Variants in DCAF12 observed in about 807,000 individuals in gnomAD.
DCAF12 encodes DDB1- and CUL4-associated factor 12.
In DCAF12, 28 loss-of-function variants were observed where a neutral mutation model predicts 52.8. The observed-to-expected ratio is 0.53, with a 90% CI of 0.39 to 0.73. DCAF12 has a LOEUF of 0.73. DCAF12 is among the 30% of genes least tolerant of loss of function. The pLI, the probability that DCAF12 is intolerant of heterozygous loss-of-function variation, is 0.00. For missense variants in DCAF12, 425 were observed against 552.2 expected (o/e 0.77, Z 2.31); for synonymous variants, 196 against 215.5 (o/e 0.91, Z 0.79).
At chr9:34,120,439 G>A (rs968082081) in intron 2 of DCAF12, among the ~76,000 whole-genome samples, 1 of 151,792 alleles carries the variant, frequency 6.6e-6, no homozygotes, top group Non-Finnish European at 1.5e-5. Context: ...GGGAGGCTGA[G>A]GCGGGCAGAT....
intron 4 of DCAF12, among the ~76,000 whole-genome samples, chr9:34,103,855 TAAC>T (rs1363607754): frequency 1.3e-5 from 2 of 151,860 alleles, no homozygotes; most frequent in African/African-American, 4.8e-5. Flanking sequence ...ACAACAACAG[TAAC>T]AACAACAACG....
At chr9:34,126,009 G>C (rs531256739) in intron 1 of DCAF12, among the ~76,000 whole-genome samples, 2 of 152,264 alleles carry the variant, frequency 1.3e-5, no homozygotes, top group African/African-American at 4.8e-5. Context: ...AGGGCCCATG[G>C]AAGGTAGAGT....
intron 6 of DCAF12, chr9:34,093,731 G>C: frequency 3.0e-6 from 1 of 328,856 alleles, no homozygotes; most frequent in Non-Finnish European, 5.8e-6. Context: ...GCCTTTCTTG[G>C]TAGGCTGTTT....
intron 2 of DCAF12, among the ~76,000 whole-genome samples, chr9:34,111,493 C>G (rs917961792): frequency 2.0e-5 from 3 of 152,202 alleles, no homozygotes; most frequent in African/African-American, 4.8e-5. Flanking sequence ...TTAACTCTCT[C>G]CCAATTCTAA....
chr9:34,126,031 G>C (rs1411863894), intron 1 of DCAF12, among the ~76,000 whole-genome samples: 1 of 152,158 alleles, frequency 6.6e-6, no homozygotes, highest in African/African-American at 2.4e-5. Context: ...CACTCTACCA[G>C]AGTTTGTTTC....
chr9:34,098,625 A>G (rs1353414190), intron 4 of DCAF12, 108 bp from the exon 5 acceptor site: 2 of 1,218,920 alleles, frequency 1.6e-6, no homozygotes, highest in South Asian at 1.6e-5. Flanking sequence ...CATCATCCTC[A>G]TATGTGCTGA....
chr9:34,117,050 A>G (rs565571422), intron 2 of DCAF12, among the ~76,000 whole-genome samples: 2 of 152,220 alleles, frequency 1.3e-5, no homozygotes, highest in African/African-American at 4.8e-5. Context: ...CTGTGAATCT[A>G]AACTGTTCCT....
At chr9:34,104,114 C>T (rs752109438) in intron 4 of DCAF12, among the ~76,000 whole-genome samples, 6 of 151,714 alleles carry the variant, frequency 4.0e-5, no homozygotes, top group Non-Finnish European at 1.5e-5. Context: ...ACCAAAAATA[C>T]AAAAATTAGG....
intron 2 of DCAF12, among the ~76,000 whole-genome samples, chr9:34,108,014 T>A (rs1227031177): frequency 2.0e-5 from 3 of 152,186 alleles, no homozygotes; most frequent in African/African-American, 7.2e-5. Flanking sequence ...TATTACTAAG[T>A]TTTCTGGAAT....
intron 4 of DCAF12, among the ~76,000 whole-genome samples, chr9:34,103,244 AC>A (rs964059160): frequency 1.3e-4 from 20 of 151,608 alleles, no homozygotes; most frequent in African/African-American, 4.6e-4. Flanking sequence ...AGCCATCTCT[AC>A]TAAAAAGACA....
chr9:34,096,624 A>C (rs1828739386), intron 6 of DCAF12, 92 bp downstream of exon 6: 2 of 1,195,786 alleles, frequency 1.7e-6, no homozygotes, highest in Admixed American at 4.3e-5. Context: ...GAATAGATAA[A>C]ATAAACATGA....
Position 34,089,579 on chromosome 9 carries a change from C to T in DCAF12, c.1036G>A (p.Val346Met). 1 of 1,604,706 alleles carries T rather than the reference C, an allele frequency of 6.2e-7. No individual in the cohort carries two copies. The highest frequency in any genetic ancestry group is 8.5e-7 in the Non-Finnish European group (1 of 1,174,480). ...SRERGSGIRSVSFYEHIITVG... is the reference protein window; with the variant it reads ...SRERGSGIRSMSFYEHIITVG... ...GTGATGATGTGCTCGTAGAAACTCA[C>T]TGACCGGATTCCTGAAAGACAGAAA... is the stretch of plus-strand genomic sequence containing the variant. The change falls in exon 8 of 9, where the codon GTG (valine) becomes ATG (methionine). Residue 346 changes from valine to methionine, a missense_variant. Physicochemically the swap from Val to Met is conservative, Grantham distance 21. This residue lies in a region of DCAF12 where 328 missense variants were observed against 444.4 expected (regional missense o/e 0.74). Transcript: ENST00000361264.
At chr9:34,119,227 CG>C (rs1829134978) in intron 2 of DCAF12, among the ~76,000 whole-genome samples, 1 of 152,126 alleles carries the variant, frequency 6.6e-6, no homozygotes, top group African/African-American at 2.4e-5. Flanking sequence ...GATAAGAAAA[CG>C]CAAGGTTCAT....
intron 4 of DCAF12, among the ~76,000 whole-genome samples, chr9:34,099,965 T>C (rs924271430): frequency 6.6e-6 from 1 of 152,188 alleles, no homozygotes; most frequent in Non-Finnish European, 1.5e-5. Flanking sequence ...TAGTGGGCAG[T>C]AGGGCTTGGG....
intron 2 of DCAF12, among the ~76,000 whole-genome samples, chr9:34,117,273 G>A (rs559678027): frequency 1.6e-4 from 22 of 137,748 alleles, no homozygotes; most frequent in African/African-American, 5.6e-4. Context: ...TTTTTTTTGA[G>A]ATGGAGCTCA....
chr9:34,122,968 C>T (rs527522318), intron 2 of DCAF12, among the ~76,000 whole-genome samples: 35 of 152,328 alleles, frequency 2.3e-4, no homozygotes, highest in Non-Finnish European at 2.4e-4. Flanking sequence ...AAACCATGAA[C>T]ATATACCTAA....
At chr9:34,101,968 A>G (rs1828835870) in intron 4 of DCAF12, among the ~76,000 whole-genome samples, 1 of 150,632 alleles carries the variant, frequency 6.6e-6, no homozygotes, top group Admixed American at 6.6e-5. Flanking sequence ...GTGAGCTGAA[A>G]TTGTGCCACA....
chr9:34,102,857 CTTGAGGCCAGGACG>C (rs1157839673), intron 4 of DCAF12, among the ~76,000 whole-genome samples: 1 of 151,740 alleles, frequency 6.6e-6, no homozygotes, highest in East Asian at 1.9e-4. Flanking sequence ...AGGCAGGTCG[CTTGAGGCCAGGACG>C]TTGAGACCAG....
At chr9:34,113,302 T>C (rs1829034013) in intron 2 of DCAF12, among the ~76,000 whole-genome samples, 1 of 152,192 alleles carries the variant, frequency 6.6e-6, no homozygotes, top group African/African-American at 2.4e-5. Context: ...TCTGCCTGCT[T>C]TGGCCTCCGA....
Sources: allele counts gnomAD v4.1 joint callset (sites outside exome capture counted in the v4.1 genomes callset), GRCh38; gene constraint gnomAD v4.1.1; regional missense constraint gnomAD v4.1.1; transcripts MANE v1.5; gene names NCBI Gene and HGNC (gene_info 2026-07-23, HGNC 2026-07-21).